The following GRM7 variants were observed in gnomAD, a reference collection of about 807,000 sequenced individuals.
The protein encoded by GRM7 is glutamate metabotropic receptor 7, also known as metabotropic glutamate receptor 7.
A neutral mutation model predicts 84.5 loss-of-function variants in GRM7; 35 were observed. The observed-to-expected ratio is 0.41, with a 90% confidence interval of 0.32 to 0.55. The LOEUF (loss-of-function observed/expected upper bound fraction) is 0.55. GRM7 is among the 20% of genes least tolerant of loss of function. The pLI, the probability that GRM7 is intolerant of heterozygous loss-of-function variation, is 0.19. For synonymous variants in GRM7, 487 were observed against 455.1 expected, an observed-to-expected ratio of 1.07 and a Z score of -0.89; for missense variants, 1,003 against 1,194.6, an observed-to-expected ratio of 0.84 and a Z score of 2.36.
chr3:7,189,852 T>A (rs1470517161), intron 2 of GRM7, among the ~76,000 whole-genome samples: 1 of 152,144 alleles, frequency 6.6e-6, no homozygotes, highest in Non-Finnish European at 1.5e-5. Context: ...TGAGGAATAG[T>A]TATTCTTCCA....
chr3:7,434,955 T>C (rs1223436026), intron 5 of GRM7, among the ~76,000 whole-genome samples: 2 of 152,218 alleles, frequency 1.3e-5, no homozygotes, highest in East Asian at 3.9e-4. Flanking sequence ...GATTTTCGAA[T>C]GTATATTCAA....
At chr3:7,172,821 CAT>C (rs1308419490) in intron 2 of GRM7, among the ~76,000 whole-genome samples, 1 of 151,840 alleles carries the variant, frequency 6.6e-6, no homozygotes, top group African/African-American at 2.4e-5. Flanking sequence ...GTTTAATAGA[CAT>C]ATATTGAGTC....
intron 8 of GRM7, among the ~76,000 whole-genome samples, chr3:7,660,895 T>A (rs1699414855): frequency 1.3e-5 from 2 of 152,198 alleles, no homozygotes; most frequent in South Asian, 4.1e-4. Context: ...CAACAAATGA[T>A]TCTAGAGTAA....
chr3:7,739,727 G>T (rs1702626357), intron 9 of GRM7, among the ~76,000 whole-genome samples: 1 of 152,176 alleles, frequency 6.6e-6, no homozygotes, highest in Non-Finnish European at 1.5e-5. Flanking sequence ...ACTGTACCAA[G>T]TAGAAAAATA....
At chr3:7,195,150 T>C (rs1336690037) in intron 2 of GRM7, among the ~76,000 whole-genome samples, 7 of 152,154 alleles carry the variant, frequency 4.6e-5, no homozygotes, top group Non-Finnish European at 8.8e-5. Context: ...AAAACCCCAA[T>C]ATTGTTCATG....
intron 7 of GRM7, among the ~76,000 whole-genome samples, chr3:7,568,690 G>A (rs1694457141): frequency 6.6e-6 from 1 of 152,146 alleles, no homozygotes; most frequent in Non-Finnish European, 1.5e-5. Context: ...AGCACTCAGA[G>A]CAGCGGGCCG....
At chr3:7,040,063 G>A (rs1441510143) in intron 1 of GRM7, among the ~76,000 whole-genome samples, 1 of 152,204 alleles carries the variant, frequency 6.6e-6, no homozygotes, top group Non-Finnish European at 1.5e-5. Context: ...CATAGCCCTT[G>A]TGTAGTTCTC....
chr3:7,348,195 A>G (rs888841519), intron 4 of GRM7, among the ~76,000 whole-genome samples: 1 of 152,074 alleles, frequency 6.6e-6, no homozygotes, highest in South Asian at 2.1e-4. Context: ...TTTCTACTCA[A>G]TCTGGCATTC....
At chr3:7,700,550 T>C (rs1575649141) in intron 9 of GRM7, among the ~76,000 whole-genome samples, 1 of 152,244 alleles carries the variant, frequency 6.6e-6, no homozygotes, top group South Asian at 2.1e-4. Flanking sequence ...GCTAAGCTTT[T>C]AGATTCTTCA....
chr3:7,154,058 T>G (rs984576684), intron 2 of GRM7, among the ~76,000 whole-genome samples: 1 of 152,180 alleles, frequency 6.6e-6, no homozygotes, highest in Non-Finnish European at 1.5e-5. Context: ...TTTAAATACT[T>G]GAATGTTGCA....
At chr3:7,049,803 G>T (rs996549547) in intron 1 of GRM7, among the ~76,000 whole-genome samples, 1 of 151,766 alleles carries the variant, frequency 6.6e-6, no homozygotes, top group East Asian at 1.9e-4. Context: ...AGGGATGGAT[G>T]GGGGAGAAGA....
intron 1 of GRM7, among the ~76,000 whole-genome samples, chr3:6,956,290 CTACAA>C (rs1404638491): frequency 2.0e-5 from 3 of 152,178 alleles, no homozygotes; most frequent in African/African-American, 7.2e-5. Context: ...GGGTTCTGAT[CTACAA>C]ATAATATTCT....
Position 7,137,553 on chromosome 3 carries a change from A to G in GRM7, c.520-8899A>G, listed in dbSNP as rs1000502724. Among the ~76,000 whole-genome samples, 4 of 152,088 alleles carry G rather than the reference A, an allele frequency of 2.6e-5. No homozygotes were observed. In the South Asian group the frequency reaches 6.2e-4, roughly 24 times the overall value. On this transcript the variant is annotated intron_variant, in intron 1 of 9. Coordinates refer to ENST00000357716, the MANE Select transcript of GRM7 (RefSeq NM_000844.4). Reference sequence around the variant, plus strand: ...GTCTTGTCATCAGTGTCACCTGACTAGTGCCTTGAGAGAAATAATTGGAGA... The same window carrying G: ...GTCTTGTCATCAGTGTCACCTGACTGGTGCCTTGAGAGAAATAATTGGAGA...
At chr3:7,089,006 C>G (rs1167257758) in intron 1 of GRM7, among the ~76,000 whole-genome samples, 1 of 152,060 alleles carries the variant, frequency 6.6e-6, no homozygotes, top group African/African-American at 2.4e-5. Flanking sequence ...TTTCTTCCAA[C>G]CAAAAGCAAA....
At chr3:6,952,506 C>T (rs1474334830) in intron 1 of GRM7, among the ~76,000 whole-genome samples, 4 of 152,114 alleles carry the variant, frequency 2.6e-5, no homozygotes, top group Non-Finnish European at 5.9e-5. Context: ...CTCCAGTTGC[C>T]TCTGTGACTC....
At chr3:7,515,571 A>G (rs753231270) in intron 7 of GRM7, among the ~76,000 whole-genome samples, 18 of 152,210 alleles carry the variant, frequency 1.2e-4, no homozygotes, top group Non-Finnish European at 2.1e-4. Context: ...CCAGTATCAA[A>G]AAGGAAACTA....
At chr3:6,914,820 A>G (rs1024161434) in intron 1 of GRM7, among the ~76,000 whole-genome samples, 7 of 152,158 alleles carry the variant, frequency 4.6e-5, no homozygotes, top group Non-Finnish European at 1.0e-4. Flanking sequence ...GATGTTCAAT[A>G]AAGTTGACTT....
chr3:7,613,040 T>A (rs1377309565), intron 8 of GRM7, among the ~76,000 whole-genome samples: 1 of 152,160 alleles, frequency 6.6e-6, no homozygotes, highest in African/African-American at 2.4e-5. Flanking sequence ...CAAGTCTTTT[T>A]TTTTTTAACA....
At chr3:7,343,143 A>G (rs2125081816) in intron 4 of GRM7, among the ~76,000 whole-genome samples, 1 of 152,306 alleles carries the variant, frequency 6.6e-6, no homozygotes, top group South Asian at 2.1e-4. Context: ...GTAGAATAAC[A>G]TGTCTGACAT....
Sources: allele counts gnomAD v4.1 joint callset (sites outside exome capture counted in the v4.1 genomes callset), GRCh38; gene constraint gnomAD v4.1.1; transcripts MANE v1.5; gene names NCBI Gene and HGNC (gene_info 2026-07-23, HGNC 2026-07-21).